The following VPS13A variants were observed in gnomAD, a reference collection of about 807,000 sequenced individuals.
The protein encoded by VPS13A is intermembrane lipid transfer protein VPS13A.
Under a neutral mutation model 390.9 loss-of-function variants are expected in VPS13A, and 264 were observed. The observed-to-expected ratio is 0.68, with a 90% CI of 0.61 to 0.75. The LOEUF (loss-of-function observed/expected upper bound fraction) is 0.75, where lower values mean the gene tolerates loss of function less well. Ranked by LOEUF, VPS13A falls within the 30% of genes least tolerant of loss-of-function variation. The pLI, the probability that VPS13A is intolerant of heterozygous loss-of-function variation, is 0.00. For missense variants in VPS13A, 3,409 were observed against 3,733.9 expected (o/e 0.91, Z 2.27); for synonymous variants, 1,231 against 1,227.1 (o/e 1.00, Z -0.07).
At position 77,252,430 on chromosome 9, in the gene VPS13A, T is replaced by C. The variant is rs73466046; in HGVS notation, c.2288+78T>C. 414 of 1,155,246 alleles carry C rather than the reference T, an allele frequency of 3.6e-4. 2 individuals carry two copies. In the African/African-American group the frequency reaches 5.2e-3, roughly 15 times the overall value. 71.6% of individuals were successfully genotyped at this position (1,155,246 alleles called of 1,614,324 possible). The stretch of plus-strand genomic sequence containing the variant: ...TAGGGAAATACCATACTTAACTGAC[T>C]CTTCCTTGTGTGTGTGGTGAAATGT... On this transcript the variant is annotated intron_variant, in intron 22 of 71. Coordinates refer to ENST00000360280, the MANE Select transcript of VPS13A (RefSeq NM_033305.3).
At position 77,314,093 on chromosome 9, in the gene VPS13A, G is replaced by GTGC. The variant is rs756009577; in HGVS notation, c.4219_4221dup (p.Leu1407dup). Reference sequence around the variant, plus strand: ...CTTCAAAACTGATGATCTCACCATGGTGCTGTATAGTCCAGGTCCTAAACA... The same window carrying GTGC: ...CTTCAAAACTGATGATCTCACCATGGTGCTGCTGTATAGTCCAGGTCCTAAACA... On this transcript the variant is annotated inframe_insertion, in exon 36 of 72. Coordinates refer to ENST00000360280, the MANE Select transcript of VPS13A (RefSeq NM_033305.3). 1.2e-6 allele frequency: 2 copies of GTGC among 1,613,308 alleles called. No homozygotes were observed. The highest frequency in any genetic ancestry group is 2.2e-5 in the South Asian group (2 of 91,026).
At chr9:77,363,962 C>G (rs1832293891) in intron 59 of VPS13A, among the ~76,000 whole-genome samples, 1 of 152,134 alleles carries the variant, frequency 6.6e-6, no homozygotes, top group South Asian at 2.1e-4. Flanking sequence ...GAGCTGAGCA[C>G]TATGTGTGGT....
chr9:77,334,098 T>C (rs1296002533), intron 46 of VPS13A, among the ~76,000 whole-genome samples: 1 of 152,112 alleles, frequency 6.6e-6, no homozygotes, highest in Non-Finnish European at 1.5e-5. Flanking sequence ...TATAGTAATA[T>C]GGAGATTAGA....
At position 77,293,416 on chromosome 9, in the gene VPS13A, TAC is replaced by T; in HGVS notation, c.3419_3420del (p.Thr1140ArgfsTer6). 1 of 1,612,890 alleles carries T rather than the reference TAC, an allele frequency of 6.2e-7. No individual in the cohort carries two copies. Among genetic ancestry groups the T allele is most frequent in the East Asian group, 2.2e-5 (1 of 44,714 alleles). ...CATGGATGCAACTGCTGGTTCTGCA[TAC>T]ACAGATATGAATGTGGTTGACATTC... ...SYMDATAGSA[Y>X]TDMNVVDIQV... On this transcript the variant is annotated frameshift_variant, in exon 32 of 72. Coordinates refer to ENST00000360280, the MANE Select transcript of VPS13A (RefSeq NM_033305.3). LOFTEE classifies it high-confidence loss of function.
chr9:77,192,044 G>C (rs1007994656), intron 1 of VPS13A, among the ~76,000 whole-genome samples: 1 of 152,102 alleles, frequency 6.6e-6, no homozygotes, highest in Non-Finnish European at 1.5e-5. Context: ...GGGTATATAC[G>C]TATTTAGGAT....
intron 68 of VPS13A, among the ~76,000 whole-genome samples, chr9:77,392,851 C>T (rs1222254117): frequency 6.7e-6 from 1 of 149,218 alleles, no homozygotes; most frequent in African/African-American, 2.5e-5. Context: ...CTGAAGCCTT[C>T]AGTGAGTCCA....
intron 54 of VPS13A, among the ~76,000 whole-genome samples, chr9:77,354,790 G>T (rs772250130): frequency 1.3e-5 from 2 of 151,984 alleles, no homozygotes; most frequent in Non-Finnish European, 2.9e-5. Context: ...CAAACTTCCA[G>T]AGACCCATCT....
chr9:77,327,633 ATATTATTAT>A (rs563581300), intron 45 of VPS13A, among the ~76,000 whole-genome samples: 1 of 149,548 alleles, frequency 6.7e-6, no homozygotes, highest in African/African-American at 2.4e-5. Context: ...AGGTTTTCTG[ATATTATTAT>A]TATTATTATT....
chr9:77,385,751 C>T (rs566062679), intron 68 of VPS13A, among the ~76,000 whole-genome samples: 81 of 152,168 alleles, frequency 5.3e-4, no homozygotes, highest in African/African-American at 1.9e-3. Context: ...TTGACTACAG[C>T]AGAAGCTCAG....
intron 50 of VPS13A, chr9:77,340,851 G>A: frequency 3.0e-6 from 1 of 329,250 alleles, no homozygotes; most frequent in Non-Finnish European, 5.7e-6. Flanking sequence ...CAAAGAGAAG[G>A]AAATTACTTA....
Position 77,201,406 on chromosome 9 carries a change from A to AG in VPS13A, c.187+1dup. ...CATTTAAAGTTAAAGTTGGTCACAT[A>AG]GGTAAGCCATATTCATTATTGGGAT... is the stretch of plus-strand genomic sequence containing the variant. On this transcript the variant is annotated frameshift_variant and splice_region_variant, in exon 3 of 72. Transcript: ENST00000360280. LOFTEE classifies it high-confidence loss of function. The AG allele has an allele frequency of 6.2e-7, 1 of 1,610,484 alleles. No individual in the cohort carries two copies. The highest frequency in any genetic ancestry group is 8.5e-7 in the Non-Finnish European group (1 of 1,176,972).
intron 24 of VPS13A, 152 bp downstream of exon 24, chr9:77,273,516 CA>C: frequency 1.6e-6 from 1 of 636,402 alleles, no homozygotes; most frequent in South Asian, 2.2e-5. Flanking sequence ...GAATGGAAGA[CA>C]GATTAACATG....
intron 27 of VPS13A, 70 bp from the exon 28 acceptor site, chr9:77,281,797 G>T: frequency 1.1e-6 from 1 of 917,686 alleles, no homozygotes; most frequent in South Asian, 1.4e-5. Flanking sequence ...ATGTGTATTA[G>T]GACTATAATG....
At chr9:77,273,138 T>C (rs892177216) in intron 23 of VPS13A, 142 bp from the exon 24 acceptor site, 1 of 657,016 alleles carries the variant, frequency 1.5e-6, no homozygotes, top group African/African-American at 1.8e-5. Context: ...ATTTTTCTAA[T>C]TTAAACCTGA....
chr9:77,226,709 T>C lies in VPS13A; in HGVS notation c.1357+111T>C, dbSNP rs1353623254. On this transcript the variant is annotated intron_variant, in intron 15 of 71. Transcript: ENST00000360280. ...ACATTGAAATATATTTATTTAATTA[T>C]ATATAAAGTTATTACAAATAAAACT... is the stretch of plus-strand genomic sequence containing the variant. 3 of 861,400 alleles carry C rather than the reference T, an allele frequency of 3.5e-6. No individual in the cohort carries two copies. The East Asian group carries it at 1.0e-4, about 29-fold the overall frequency. 53.4% of individuals were successfully genotyped at this position (861,400 alleles called of 1,614,324 possible).
At chr9:77,333,820 T>G (rs943341905) in intron 46 of VPS13A, among the ~76,000 whole-genome samples, 1 of 152,138 alleles carries the variant, frequency 6.6e-6, no homozygotes. Flanking sequence ...ATTAAAATAT[T>G]TAAGTAGAAT....
intron 71 of VPS13A, among the ~76,000 whole-genome samples, chr9:77,409,109 A>ACAAT (rs991136866): frequency 6.6e-6 from 1 of 152,220 alleles, no homozygotes; most frequent in African/African-American, 2.4e-5. Context: ...TTCCAGAGGA[A>ACAAT]CAATCAGGCA....
intron 26 of VPS13A, among the ~76,000 whole-genome samples, chr9:77,276,864 G>A (rs1463097750): frequency 2.6e-5 from 4 of 152,146 alleles, no homozygotes; most frequent in African/African-American, 9.7e-5. Context: ...TAAAACTCCA[G>A]TGATTAGATT....
chr9:77,207,222 T>TAC, intron 5 of VPS13A, among the ~76,000 whole-genome samples: 1 of 80,438 alleles, frequency 1.2e-5, no homozygotes, highest in South Asian at 4.5e-4. Flanking sequence ...ATTATATATA[T>TAC]ATATATATAT....
Sources: allele counts gnomAD v4.1 joint callset (sites outside exome capture counted in the v4.1 genomes callset), GRCh38; gene constraint gnomAD v4.1.1; transcripts MANE v1.5; gene names NCBI Gene and HGNC (gene_info 2026-07-23, HGNC 2026-07-21).